Variants in KIAA1217 observed in about 807,000 individuals in gnomAD.
The protein encoded by KIAA1217 is KIAA1217.
In KIAA1217, 88 loss-of-function variants were observed where a neutral mutation model predicts 163.9. The observed-to-expected ratio is 0.54, with a 90% confidence interval of 0.45 to 0.64. The LOEUF (loss-of-function observed/expected upper bound fraction) is 0.64, where lower values mean the gene tolerates loss of function less well. Among genes scored for constraint, KIAA1217 ranks in the 30% least tolerant of loss-of-function variants. The probability of loss-of-function intolerance (pLI) is 0.00; values close to 1 mark genes in which losing one functional copy is unlikely to be tolerated. For synonymous variants in KIAA1217, 903 were observed against 923.1 expected (o/e 0.98, Z 0.39); for missense variants, 2,372 against 2,475.0 (o/e 0.96, Z 0.88).
chr10:24,092,810 T>TATCATGGCTGTG (rs1383101189), intron 2 of KIAA1217, among the ~76,000 whole-genome samples: 1 of 151,786 alleles, frequency 6.6e-6, no homozygotes, highest in Non-Finnish European at 1.5e-5. Flanking sequence ...AACTGTTTTG[T>TATCATGGCTGTG]ATCATGGCTG....
At chr10:23,996,718 T>G (rs1846501578) in intron 1 of KIAA1217, among the ~76,000 whole-genome samples, 1 of 152,172 alleles carries the variant, frequency 6.6e-6, no homozygotes, top group South Asian at 2.1e-4. Flanking sequence ...AATTATAAAA[T>G]TTTAATATAT....
intron 1 of KIAA1217, among the ~76,000 whole-genome samples, chr10:23,852,828 G>T (rs1488678479): frequency 6.6e-6 from 1 of 152,122 alleles, no homozygotes; most frequent in Admixed American, 6.5e-5. Flanking sequence ...TCTGTTGCTG[G>T]TGTATAAGAA....
At chr10:23,753,672 G>C (rs1398312376) in intron 1 of KIAA1217, among the ~76,000 whole-genome samples, 1 of 152,130 alleles carries the variant, frequency 6.6e-6, no homozygotes, top group Non-Finnish European at 1.5e-5. Flanking sequence ...AGTACAAATT[G>C]GGGGTCTATT....
intron 2 of KIAA1217, among the ~76,000 whole-genome samples, chr10:24,244,335 T>C (rs1316270675): frequency 6.6e-6 from 1 of 152,128 alleles, no homozygotes; most frequent in Non-Finnish European, 1.5e-5. Flanking sequence ...CTGAGGCCCT[T>C]TTCATCGCTA....
chr10:24,438,050 G>A (rs566761654), intron 4 of KIAA1217, among the ~76,000 whole-genome samples: 1 of 150,134 alleles, frequency 6.7e-6, no homozygotes. Flanking sequence ...TGTAAATATT[G>A]GAACTTTATT....
Position 24,402,516 on chromosome 10 carries a change from C to CAAAAAAAAAAAAAAA in KIAA1217, c.553+21455_553+21456insAAAAAAAAAAAAAAA, listed in dbSNP as rs372012492. On this transcript the variant is annotated intron_variant, in intron 3 of 20. Transcript: ENST00000376454. ...AAGGCAAGACTCCCTCTCAAAAAAA[C>CAAAAAAAAAAAAAAA]AAAAAACAAAACAAAAAAAAAAAAA... is the stretch of plus-strand genomic sequence containing the variant. Among the ~76,000 whole-genome samples, 42 of 92,894 alleles carry CAAAAAAAAAAAAAAA rather than the reference C, an allele frequency of 4.5e-4. 1 individual carries two copies. Among genetic ancestry groups the CAAAAAAAAAAAAAAA allele is most frequent in the East Asian group, 7.2e-4 (2 of 2,786 alleles). The allele number at this position is 92,894 out of a possible 152,430, so 60.9% of individuals were successfully genotyped here.
intron 2 of KIAA1217, among the ~76,000 whole-genome samples, chr10:24,260,586 C>CAAAAAAAAAA (rs11352927): frequency 6.5e-5 from 4 of 61,164 alleles, no homozygotes; most frequent in Admixed American, 2.0e-4. Flanking sequence ...CTCATCTCTA[C>CAAAAAAAAAA]AAAAAAAAAA....
intron 1 of KIAA1217, among the ~76,000 whole-genome samples, chr10:23,842,166 C>T (rs1838818926): frequency 6.6e-6 from 1 of 152,172 alleles, no homozygotes; most frequent in South Asian, 2.1e-4. Context: ...CCGTGCCCGG[C>T]ATAGGACTTT....
At chr10:24,395,501 G>T (rs2055599597) in intron 3 of KIAA1217, among the ~76,000 whole-genome samples, 2 of 152,176 alleles carry the variant, frequency 1.3e-5, no homozygotes, top group African/African-American at 2.4e-5. Context: ...TCATGGTGTG[G>T]ACGAGGCAAA....
At position 24,250,613 on chromosome 10, in the gene KIAA1217, T is replaced by TTTTTTTGA. The variant is rs1564343046; in HGVS notation, c.354+30704_354+30705insTTTTTTGA. On this transcript the variant is annotated intron_variant, in intron 2 of 20. Transcript: ENST00000376454. ...ACGCCTTGCTAATTTTTTTTTTTTT[T>TTTTTTTGA]GTATTGTTAATAGAGACGGAGTTTC... Among the ~76,000 whole-genome samples the TTTTTTTGA allele has an allele frequency of 6.7e-5, 2 of 29,940 alleles. 1 individual carries two copies. Among genetic ancestry groups the TTTTTTTGA allele is most frequent in the Non-Finnish European group, 1.1e-4 (2 of 18,132 alleles). The allele number at this position is 29,940 out of a possible 152,430, so 19.6% of individuals were successfully genotyped here. A position where few individuals can be genotyped will look rare whatever the true frequency, so the allele number is the denominator to read the frequency against.
At chr10:24,349,105 C>T (rs1017648099) in intron 2 of KIAA1217, among the ~76,000 whole-genome samples, 1 of 145,620 alleles carries the variant, frequency 6.9e-6, no homozygotes, top group Non-Finnish European at 1.5e-5. Flanking sequence ...TGCACCCCAG[C>T]CAGGGCAACA....
At chr10:24,102,828 C>T (rs2062469933) in intron 2 of KIAA1217, among the ~76,000 whole-genome samples, 1 of 152,158 alleles carries the variant, frequency 6.6e-6, no homozygotes, top group African/African-American at 2.4e-5. Flanking sequence ...ACCCAAGTCT[C>T]ATCTTGAATT....
intron 2 of KIAA1217, among the ~76,000 whole-genome samples, chr10:24,277,378 G>A (rs2077418577): frequency 1.3e-5 from 2 of 152,194 alleles, no homozygotes; most frequent in African/African-American, 4.8e-5. Context: ...CTTCCTAGAG[G>A]GAAGCCTCGT....
At chr10:24,508,485 C>A (rs2068661786) in intron 9 of KIAA1217, among the ~76,000 whole-genome samples, 1 of 152,108 alleles carries the variant, frequency 6.6e-6, no homozygotes, top group South Asian at 2.1e-4. Context: ...AAGATTGTAG[C>A]AAGTTCAGTA....
At chr10:24,322,011 C>T (rs1052405936) in intron 2 of KIAA1217, among the ~76,000 whole-genome samples, 18 of 152,160 alleles carry the variant, frequency 1.2e-4, no homozygotes, top group African/African-American at 3.6e-4. Flanking sequence ...TGCGGTGGCC[C>T]GATCTCGGCT....
intron 1 of KIAA1217, among the ~76,000 whole-genome samples, chr10:23,968,689 C>G (rs192896015): frequency 2.0e-5 from 3 of 152,290 alleles, no homozygotes; most frequent in African/African-American, 7.2e-5. Context: ...GTATATTTGC[C>G]TCTTTTGGAT....
chr10:24,026,704 A>AT (rs1245639537), intron 2 of KIAA1217, among the ~76,000 whole-genome samples: 24 of 82,236 alleles, frequency 2.9e-4, no homozygotes, highest in East Asian at 2.0e-3. Context: ...GGTTACATTG[A>AT]TTTTTTTTTC....
At chr10:24,263,606 C>A (rs187357996) in intron 2 of KIAA1217, among the ~76,000 whole-genome samples, 1 of 152,176 alleles carries the variant, frequency 6.6e-6, no homozygotes, top group East Asian at 1.9e-4. Flanking sequence ...TTATCTGTCT[C>A]CCATATGCGT....
intron 1 of KIAA1217, among the ~76,000 whole-genome samples, chr10:23,882,139 A>G (rs1840977425): frequency 6.6e-6 from 1 of 151,976 alleles, no homozygotes; most frequent in South Asian, 2.1e-4. Context: ...AACCCACCAC[A>G]ATTTTGAGGT....
Sources: allele counts gnomAD v4.1 joint callset (sites outside exome capture counted in the v4.1 genomes callset), GRCh38; gene constraint gnomAD v4.1.1; transcripts MANE v1.5; gene names NCBI Gene and HGNC (gene_info 2026-07-23, HGNC 2026-07-21).